The following SNTG1 variants were observed in gnomAD, a reference collection of about 807,000 sequenced individuals.
SNTG1 encodes gamma-1-syntrophin.
Under a neutral mutation model 74.7 loss-of-function variants are expected in SNTG1, and 39 were observed. The ratio of observed to expected loss-of-function variants is 0.52; its 90% CI spans 0.40 to 0.68. The LOEUF (loss-of-function observed/expected upper bound fraction) is 0.68, where lower values mean the gene tolerates loss of function less well. SNTG1 is among the 30% of genes least tolerant of loss of function. The pLI is 0.00. For synonymous variants in SNTG1, 254 were observed against 217.1 expected (o/e 1.17, Z -1.49); for missense variants, 685 against 609.5 (o/e 1.12, Z -1.30).
chr8:49,919,971 G>A (rs1415541715), intron 1 of SNTG1, among the ~76,000 whole-genome samples: 1 of 152,072 alleles, frequency 6.6e-6, no homozygotes, highest in Non-Finnish European at 1.5e-5. Flanking sequence ...GTCAAAGTAA[G>A]TCAGATTGTG....
At chr8:50,664,868 T>A (rs571710335) in intron 15 of SNTG1, among the ~76,000 whole-genome samples, 1 of 152,170 alleles carries the variant, frequency 6.6e-6, no homozygotes, top group African/African-American at 2.4e-5. Context: ...TCATAATAGA[T>A]GAGCAGTGTA....
intron 1 of SNTG1, among the ~76,000 whole-genome samples, chr8:50,033,840 T>C (rs992574999): frequency 1.3e-5 from 2 of 152,180 alleles, no homozygotes; most frequent in Non-Finnish European, 2.9e-5. Context: ...GGATTTAACA[T>C]ATAAATTGCA....
chr8:50,644,852 A>G (rs1275278257), intron 13 of SNTG1, among the ~76,000 whole-genome samples: 1 of 150,686 alleles, frequency 6.6e-6, no homozygotes, highest in Non-Finnish European at 1.5e-5. Context: ...TTTTAACATT[A>G]CTCTCTTGCC....
At chr8:50,771,063 GCAGAGTGGGGTGTTGCTCTA>G (rs2095625939) in intron 18 of SNTG1, among the ~76,000 whole-genome samples, 1 of 152,096 alleles carries the variant, frequency 6.6e-6, no homozygotes, top group African/African-American at 2.4e-5. Flanking sequence ...AAATTGGCAT[GCAGAGTGGGGTGTTGCTCTA>G]CAGATATCTG....
intron 2 of SNTG1, among the ~76,000 whole-genome samples, chr8:50,267,772 TC>T (rs1205303142): frequency 6.6e-6 from 1 of 152,130 alleles, no homozygotes; most frequent in Admixed American, 6.6e-5. Context: ...ATGATAAACA[TC>T]TCATCAATTT....
chr8:50,625,453 A>G (rs2094950324), intron 13 of SNTG1, among the ~76,000 whole-genome samples: 2 of 152,232 alleles, frequency 1.3e-5, no homozygotes, highest in Non-Finnish European at 2.9e-5. Flanking sequence ...TAACCATCCC[A>G]TAACACATGC....
At chr8:50,581,626 T>C (rs1179498477) in intron 12 of SNTG1, among the ~76,000 whole-genome samples, 1 of 152,186 alleles carries the variant, frequency 6.6e-6, no homozygotes, top group Non-Finnish European at 1.5e-5. Flanking sequence ...TATCTCCAAA[T>C]ATGTTGCATT....
chr8:50,515,463 C>T (rs1309305061), intron 9 of SNTG1, among the ~76,000 whole-genome samples: 1 of 143,826 alleles, frequency 7.0e-6, no homozygotes, highest in Non-Finnish European at 1.5e-5. Context: ...ACCATTCACT[C>T]CCCTGGAAAG....
intron 2 of SNTG1, among the ~76,000 whole-genome samples, chr8:50,348,649 TA>T (rs1439305406): frequency 3.3e-5 from 5 of 152,168 alleles, no homozygotes; most frequent in African/African-American, 1.2e-4. Flanking sequence ...TCATTCAGAA[TA>T]AAACTAATAA....
intron 11 of SNTG1, among the ~76,000 whole-genome samples, chr8:50,552,277 GA>G (rs2094431553): frequency 6.6e-6 from 1 of 152,098 alleles, no homozygotes; most frequent in Non-Finnish European, 1.5e-5. Context: ...TGGAAGTAAG[GA>G]AGTCATTGAA....
intron 1 of SNTG1, among the ~76,000 whole-genome samples, chr8:49,965,792 ATCC>A (rs1272609930): frequency 2.0e-5 from 3 of 152,272 alleles, no homozygotes; most frequent in East Asian, 3.9e-4. Context: ...TTTAGTTATC[ATCC>A]TCCTCTTTTA....
At chr8:50,074,832 T>A (rs868863374) in intron 1 of SNTG1, among the ~76,000 whole-genome samples, 1 of 151,974 alleles carries the variant, frequency 6.6e-6, no homozygotes, top group Non-Finnish European at 1.5e-5. Context: ...CAGAGCCAAC[T>A]CCCTCTGCTT....
intron 2 of SNTG1, among the ~76,000 whole-genome samples, chr8:50,225,846 GTTTAC>G (rs754883708): frequency 1.2e-4 from 19 of 152,102 alleles, no homozygotes; most frequent in Non-Finnish European, 5.9e-5. Flanking sequence ...TATCCATTTT[GTTTAC>G]TTTATGTTGT....
intron 15 of SNTG1, among the ~76,000 whole-genome samples, chr8:50,684,871 A>G (rs1269191618): frequency 3.5e-5 from 5 of 143,822 alleles, no homozygotes; most frequent in Admixed American, 6.9e-5. Flanking sequence ...GTATCTCCCA[A>G]TGCTATCCCT....
intron 2 of SNTG1, among the ~76,000 whole-genome samples, chr8:50,304,154 G>A (rs1418279909): frequency 1.3e-5 from 2 of 152,126 alleles, no homozygotes; most frequent in African/African-American, 4.8e-5. Context: ...TCATTATCAT[G>A]GGAGTGTGTT....
chr8:50,203,005 A>G (rs2084049559), intron 2 of SNTG1, among the ~76,000 whole-genome samples: 1 of 151,968 alleles, frequency 6.6e-6, no homozygotes, highest in Non-Finnish European at 1.5e-5. Flanking sequence ...CATATATGAC[A>G]GCTTTGAAAC....
intron 2 of SNTG1, among the ~76,000 whole-genome samples, chr8:50,250,487 C>A (rs1378048946): frequency 1.3e-5 from 2 of 152,020 alleles, no homozygotes; most frequent in South Asian, 2.1e-4. Context: ...TGATTTTTAA[C>A]CCAAAAATAT....
At chr8:49,929,889 C>G (rs1369292079) in intron 1 of SNTG1, among the ~76,000 whole-genome samples, 1 of 125,162 alleles carries the variant, frequency 8.0e-6, no homozygotes, top group Non-Finnish European at 1.6e-5. Flanking sequence ...ACCACAGTCC[C>G]CAGAGGGTGA....
chr8:50,253,205 C>G (rs149677222), intron 2 of SNTG1, among the ~76,000 whole-genome samples: 1 of 152,064 alleles, frequency 6.6e-6, no homozygotes, highest in Non-Finnish European at 1.5e-5. Flanking sequence ...GGGTGGATCA[C>G]CTGAGGCCAG....
Sources: gnomAD v4.1 joint callset for allele counts (sites outside exome capture counted in the v4.1 genomes callset) on GRCh38, gnomAD v4.1.1 for gene constraint, MANE v1.5 for transcripts, NCBI Gene and HGNC (gene_info 2026-07-23, HGNC 2026-07-21) for gene names.